CYSLTR2: variants seen among roughly 807,000 people sequenced by gnomAD.
CYSLTR2 encodes G-protein coupled receptor GPCR21.
For synonymous variants in CYSLTR2, 179 were observed against 160.8 expected (o/e 1.11, Z -0.86); for missense variants, 398 against 411.9 (o/e 0.97, Z 0.29).
At chr13:48,700,509 A>G (rs1243324332) in intron 4 of CYSLTR2, among the ~76,000 whole-genome samples, 1 of 150,782 alleles carries the variant, frequency 6.6e-6, no homozygotes, top group Non-Finnish European at 1.5e-5. Context: ...AGGTATTTGG[A>G]CGTATCTCAA....
intron 1 of CYSLTR2, among the ~76,000 whole-genome samples, chr13:48,687,964 A>G (rs1212886326): frequency 1.3e-5 from 2 of 152,190 alleles, no homozygotes; most frequent in African/African-American, 4.8e-5. Context: ...GTGTGTCACT[A>G]GAGGTGGGAA....
At position 48,710,307 on chromosome 13, in the gene CYSLTR2, G is replaced by A. The variant is rs1954604816; in HGVS notation, c.*2449G>A. The A allele has an allele frequency of 6.6e-6, 1 of 152,276 alleles. No individual in the cohort carries two copies. Among genetic ancestry groups the A allele is most frequent in the East Asian group, 1.9e-4 (1 of 5,188 alleles). 9.4% of individuals were successfully genotyped at this position (152,276 alleles called of 1,614,324 possible). On this transcript the variant is annotated 3_prime_UTR_variant, in exon 5 of 5. Coordinates refer to ENST00000682523, the MANE Select transcript of CYSLTR2 (RefSeq NM_001308476.3). ...CTATCACCCTCCACCCATGTTCTGG[G>A]CAGGGCAAAGTGGGATGGTGTGAGA...
rs754945976 is a variant in CYSLTR2, at chr13:48,706,934, A to G, written c.117A>G (p.Glu39=). 1 of 1,614,114 alleles carries G rather than the reference A, an allele frequency of 6.2e-7. No individual in the cohort carries two copies. The highest frequency in any genetic ancestry group is 8.5e-7 in the Non-Finnish European group (1 of 1,180,012). ...GCACAATTGAAAACTTCAAGAGAGA[A>G]TTTTTCCCAATTGTATATCTGATAA... ...RNCTIENFKR[E]FFPIVYLIIF... The change falls in exon 5 of 5, where the codon GAA becomes GAG. Residue 39 remains glutamate, a synonymous_variant. Transcript: ENST00000682523.
chr13:48,669,457 G>C (rs1472914576), intron 1 of CYSLTR2, among the ~76,000 whole-genome samples: 1 of 151,840 alleles, frequency 6.6e-6, no homozygotes, highest in East Asian at 1.9e-4. Context: ...GCCCCAGTGT[G>C]TGATGTTCCC....
chr13:48,699,112 A>T (rs1954273578), intron 4 of CYSLTR2, among the ~76,000 whole-genome samples: 1 of 152,212 alleles, frequency 6.6e-6, no homozygotes, highest in African/African-American at 2.4e-5. Flanking sequence ...AGACAGATCA[A>T]CAAGACAGAA....
In CYSLTR2 at chr13:48,710,287, A is replaced by G. The variant is rs1360922394; in HGVS notation, c.*2429A>G. The stretch of plus-strand genomic sequence containing the variant: ...TAGCATGTTGAAATCTCGCACTATC[A>G]CCCTCCACCCATGTTCTGGGCAGGG... On this transcript the variant is annotated 3_prime_UTR_variant, in exon 5 of 5. Coordinates refer to ENST00000682523, the MANE Select transcript of CYSLTR2 (RefSeq NM_001308476.3). 6.6e-6 allele frequency: 1 copy of G among 152,082 alleles called. No homozygotes were observed. The highest frequency in any genetic ancestry group is 1.9e-4 in the East Asian group (1 of 5,194). 9.4% of individuals were successfully genotyped at this position (152,082 alleles called of 1,614,324 possible). A position where few individuals can be genotyped will look rare whatever the true frequency, so the allele number is the denominator to read the frequency against.
At chr13:48,667,683 C>A (rs1456897159) in intron 1 of CYSLTR2, among the ~76,000 whole-genome samples, 1 of 152,204 alleles carries the variant, frequency 6.6e-6, no homozygotes, top group African/African-American at 2.4e-5. Context: ...CACAGCTGCT[C>A]ACTTGGCCTG....
At chr13:48,668,106 G>C (rs1379461873) in intron 1 of CYSLTR2, among the ~76,000 whole-genome samples, 1 of 152,106 alleles carries the variant, frequency 6.6e-6, no homozygotes, top group Non-Finnish European at 1.5e-5. Context: ...GTAGAAGACT[G>C]TCCATTCCCC....
At chr13:48,674,277 G>A (rs531977938) in intron 1 of CYSLTR2, among the ~76,000 whole-genome samples, 2 of 152,150 alleles carry the variant, frequency 1.3e-5, no homozygotes, top group East Asian at 3.9e-4. Context: ...TGTAGGTTTG[G>A]TCTTTTCATA....
chr13:48,664,550 G>C (rs1413810397), intron 1 of CYSLTR2, among the ~76,000 whole-genome samples: 1 of 151,824 alleles, frequency 6.6e-6, no homozygotes, highest in Non-Finnish European at 1.5e-5. Flanking sequence ...GTTCAATCTT[G>C]GTAGGTTGTA....
intron 1 of CYSLTR2, among the ~76,000 whole-genome samples, chr13:48,677,319 G>T (rs1953623659): frequency 6.6e-6 from 1 of 151,982 alleles, no homozygotes; most frequent in Non-Finnish European, 1.5e-5. Context: ...TATTGCTGTA[G>T]ATTAGGAAGA....
At chr13:48,680,800 C>CTTTTTTTTTTTTTTTTTTTTTTTT (rs139896583) in intron 1 of CYSLTR2, among the ~76,000 whole-genome samples, 15 of 55,034 alleles carry the variant, frequency 2.7e-4, no homozygotes, top group Non-Finnish European at 4.2e-4. Context: ...CTTTTCTTTT[C>CTTTTTTTTTTTTTTTTTTTTTTTT]TTTTTTTTTT....
chr13:48,662,728 C>T (rs1481591269), intron 1 of CYSLTR2, among the ~76,000 whole-genome samples: 1 of 152,036 alleles, frequency 6.6e-6, no homozygotes, highest in Non-Finnish European at 1.5e-5. Flanking sequence ...TGTTTGAGTA[C>T]CTTGTATATT....
chr13:48,688,520 T>C (rs1456450931), intron 1 of CYSLTR2, among the ~76,000 whole-genome samples: 1 of 152,234 alleles, frequency 6.6e-6, no homozygotes, highest in Non-Finnish European at 1.5e-5. Context: ...TGCTTTTCTG[T>C]TCCTGTGTTA....
chr13:48,690,801 A>G (rs908368390), intron 1 of CYSLTR2, among the ~76,000 whole-genome samples: 1 of 151,864 alleles, frequency 6.6e-6, no homozygotes, highest in African/African-American at 2.4e-5. Flanking sequence ...CTCTTTTTCT[A>G]TTGTTTGGAA....
chr13:48,669,238 C>A lies in CYSLTR2; in HGVS notation c.-266+15221C>A, dbSNP rs150483267. ...TTCACTCCCACCAACAGTGTAAGAG[C>A]ATTCCTATTTCTCCACATCCTCTCC... On this transcript the variant is annotated intron_variant, in intron 1 of 4. Transcript: ENST00000682523. Among the ~76,000 whole-genome samples the A allele has an allele frequency of 5.2e-3, 795 of 152,092 alleles. 7 individuals carry two copies. The highest frequency in any genetic ancestry group is 0.018 in the African/African-American group (745 of 41,488).
chr13:48,678,496 C>T (rs1274101494), intron 1 of CYSLTR2, among the ~76,000 whole-genome samples: 1 of 152,122 alleles, frequency 6.6e-6, no homozygotes. Context: ...GTTCTATCCT[C>T]CTTTGTTCTC....
intron 1 of CYSLTR2, among the ~76,000 whole-genome samples, chr13:48,661,723 G>A (rs866126207): frequency 6.6e-6 from 1 of 152,050 alleles, no homozygotes. Context: ...TAATTTATTT[G>A]TCAAATTGAC....
At chr13:48,664,578 C>G (rs1953213356) in intron 1 of CYSLTR2, among the ~76,000 whole-genome samples, 1 of 151,826 alleles carries the variant, frequency 6.6e-6, no homozygotes, top group Non-Finnish European at 1.5e-5. Flanking sequence ...AGGAATTTAC[C>G]CATTTCCTGT....
Sources: gnomAD v4.1 joint callset for allele counts (sites outside exome capture counted in the v4.1 genomes callset) on GRCh38, gnomAD v4.1.1 for gene constraint, MANE v1.5 for transcripts, NCBI Gene and HGNC (gene_info 2026-07-23, HGNC 2026-07-21) for gene names.